Variants in PRIM1 observed in about 807,000 individuals in gnomAD.
The protein encoded by PRIM1 is DNA primase small subunit.
PRIM1 carries 38 observed loss-of-function variants against 60.2 expected under a neutral mutation model. That is an observed-to-expected ratio of 0.63 (90% CI 0.49 to 0.83). The LOEUF is 0.83. PRIM1 is among the 40% of genes least tolerant of loss of function. The probability of loss-of-function intolerance (pLI) is 0.00; values close to 1 mark genes in which losing one functional copy is unlikely to be tolerated. For missense variants in PRIM1, 388 were observed against 506.2 expected (o/e 0.77, Z 2.24); for synonymous variants, 158 against 160.2 (o/e 0.99, Z 0.10).
At chr12:56,736,298 T>TAACAAAAA (rs1953829205) in intron 11 of PRIM1, among the ~76,000 whole-genome samples, 1 of 24,316 alleles carries the variant, frequency 4.1e-5, no homozygotes, top group African/African-American at 2.3e-4. Flanking sequence ...ACTCTTTCTC[T>TAACAAAAA]AAAAAAAAAA....
chr12:56,744,348 C>T (rs1401748034), intron 5 of PRIM1, among the ~76,000 whole-genome samples: 2 of 151,914 alleles, frequency 1.3e-5, no homozygotes, highest in Non-Finnish European at 2.9e-5. Flanking sequence ...AAAAAATTAG[C>T]TGGGCATGGT....
chr12:56,751,856 C>A (rs541245723), intron 1 of PRIM1: 58 of 172,442 alleles, frequency 3.4e-4, no homozygotes, highest in Non-Finnish European at 1.6e-4. Context: ...CTGATGCAAA[C>A]CATGCCTCAG....
chr12:56,744,060 C>A lies in PRIM1; in HGVS notation c.638+5G>T. The A allele has an allele frequency of 6.4e-7, 1 of 1,564,150 alleles. No individual in the cohort carries two copies. The highest frequency in any genetic ancestry group is 1.4e-5 in the African/African-American group (1 of 74,042). ...TTAAAGTGCTTGGAGACTTTTCCAA[C>A]AGACCTGATAAAAGGGTGAATTTTT... On this transcript the variant is annotated splice_donor_5th_base_variant and intron_variant, in intron 6 of 12. Transcript: ENST00000338193.
rs964079466 is a variant in PRIM1 at position 56,741,757 on chromosome 12, T to G, written c.829A>C (p.Ser277Arg). Reference sequence around the variant, plus strand: ...TCAGTGGCATATACCTGATATCTGCTGGCTACTTTCTTCAAGTGCTCCCAA... The same window carrying G: ...TCAGTGGCATATACCTGATATCTGCGGGCTACTTTCTTCAAGTGCTCCCAA... ...QRWEHLKKVA[S>R]RYQNNIKNDK... The change falls in exon 8 of 13, where the codon AGC becomes CGC. Residue 277 changes from serine to arginine, a missense_variant. By Grantham distance (110) the Ser-to-Arg change is moderately radical. Transcript: ENST00000338193. 6.2e-7 allele frequency: 1 copy of G among 1,613,792 alleles called. No homozygotes were observed. The highest frequency in any genetic ancestry group is 1.3e-5 in the African/African-American group (1 of 75,064).
chr12:56,738,678 A>G (rs922363677), intron 10 of PRIM1, among the ~76,000 whole-genome samples, 153 bp from the exon 11 acceptor site: 4 of 152,128 alleles, frequency 2.6e-5, no homozygotes, highest in African/African-American at 4.8e-5. Flanking sequence ...CAGCCTCCCA[A>G]GTAGCTGGGA....
intron 11 of PRIM1, among the ~76,000 whole-genome samples, chr12:56,736,129 CT>C (rs1421759025): frequency 6.6e-6 from 1 of 150,492 alleles, no homozygotes; most frequent in East Asian, 2.0e-4. Flanking sequence ...GAAACCCTGT[CT>C]CTAGTAAAAA....
At chr12:56,747,652 A>T (rs918814019) in intron 2 of PRIM1, among the ~76,000 whole-genome samples, 1 of 152,222 alleles carries the variant, frequency 6.6e-6, no homozygotes, top group African/African-American at 2.4e-5. Flanking sequence ...AAGCTGAAGC[A>T]GGAGTATCAT....
At position 56,738,530 on chromosome 12, in the gene PRIM1, A is replaced by G; in HGVS notation, c.1053-5T>C. On this transcript the variant is annotated splice_region_variant and splice_polypyrimidine_tract_variant and intron_variant, in intron 10 of 12. Coordinates refer to ENST00000338193, the MANE Select transcript of PRIM1 (RefSeq NM_000946.3). The stretch of plus-strand genomic sequence containing the variant: ...TCCAATTCACGGCAGATGAAGCTGC[A>G]AGTAACAGAACAAGAGAATTTTGTT... 6.4e-7 allele frequency: 1 copy of G among 1,568,698 alleles called. No homozygotes were observed. Among genetic ancestry groups the G allele is most frequent in the Non-Finnish European group, 8.7e-7 (1 of 1,155,656 alleles).
rs1404716910 is a variant in PRIM1 at position 56,746,663 on chromosome 12, CACACACACACACAA to C, written c.442+104_442+117del. 3.8e-4 allele frequency: 314 copies of C among 832,106 alleles called. 3 individuals carry two copies. Among genetic ancestry groups the C allele is most frequent in the Middle Eastern group, 1.3e-3 (6 of 4,460 alleles). The allele number at this position is 832,106 out of a possible 1,614,324, so 51.5% of individuals were successfully genotyped here. ...ACACACACACACACACACACACACA[CACACACACACACAA>C]ATTAATGAGATTTGATCACAAAATA... On this transcript the variant is annotated intron_variant, in intron 4 of 12. Transcript: ENST00000338193.
chr12:56,734,484 C>G (rs953385937), intron 11 of PRIM1, among the ~76,000 whole-genome samples: 1 of 151,842 alleles, frequency 6.6e-6, no homozygotes, highest in Non-Finnish European at 1.5e-5. Context: ...ACTGCAGCCT[C>G]GATCTACTGG....
At chr12:56,741,684 G>A in intron 8 of PRIM1, 62 bp downstream of exon 8, 2 of 1,585,268 alleles carry the variant, frequency 1.3e-6, no homozygotes, top group Non-Finnish European at 8.6e-7. Context: ...ACTAGGCAAA[G>A]CAATCAATTT....
In PRIM1 at chr12:56,735,085, A is replaced by T. The variant is rs952337133; in HGVS notation, c.1145-840T>A. ...TTTGGCCTCCCAAAGTGCTGGGATT[A>T]CAGGCGTGAGCCACCGCGCCCGGTC... On this transcript the variant is annotated intron_variant, in intron 11 of 12. Transcript: ENST00000338193. 2.0e-5 allele frequency among the ~76,000 whole-genome samples: 3 copies of T among 151,986 alleles called. No individual in the cohort carries two copies. The East Asian group carries it at 5.8e-4, about 30-fold the overall frequency.
chr12:56,745,744 G>C (rs574599999), intron 5 of PRIM1, among the ~76,000 whole-genome samples: 2 of 152,142 alleles, frequency 1.3e-5, no homozygotes, highest in South Asian at 4.1e-4. Flanking sequence ...TTCTAGGCCA[G>C]CCTGGCCAAC....
chr12:56,746,300 C>G (rs1953906329), intron 4 of PRIM1, 119 bp from the exon 5 acceptor site: 3 of 1,189,026 alleles, frequency 2.5e-6, no homozygotes, highest in Non-Finnish European at 3.6e-6. Context: ...CTTTACCCAT[C>G]CTGGTCTCTC....
At chr12:56,733,434 C>T (rs1953798699) in intron 12 of PRIM1, among the ~76,000 whole-genome samples, 1 of 150,520 alleles carries the variant, frequency 6.6e-6, no homozygotes, top group Admixed American at 6.6e-5. Context: ...GCTGGGATTA[C>T]AGGTGTGAGC....
At chr12:56,741,898 G>A in intron 7 of PRIM1, 61 bp from the exon 8 acceptor site, 1 of 1,385,152 alleles carries the variant, frequency 7.2e-7, no homozygotes, top group Middle Eastern at 1.8e-4. Context: ...TTAGTTTTAA[G>A]TATGTATTAC....
chr12:56,748,283 G>T (rs1164194615), intron 2 of PRIM1, among the ~76,000 whole-genome samples: 3 of 152,144 alleles, frequency 2.0e-5, no homozygotes, highest in African/African-American at 7.2e-5. Context: ...ACCCACTTCT[G>T]TACTCTTCCA....
Position 56,746,676 on chromosome 12 carries a change from A to AC in PRIM1, c.442+104_442+105insG, listed in dbSNP as rs1565906917. On this transcript the variant is annotated intron_variant, in intron 4 of 12. Coordinates refer to ENST00000338193, the MANE Select transcript of PRIM1 (RefSeq NM_000946.3). The stretch of plus-strand genomic sequence containing the variant: ...CACACACACACACACACACACACAC[A>AC]AATTAATGAGATTTGATCACAAAAT... The AC allele has an allele frequency of 9.0e-3, 1,987 of 221,050 alleles. 111 individuals carry two copies. The highest frequency in any genetic ancestry group is 0.027 in the East Asian group (157 of 5,752). 13.7% of individuals were successfully genotyped at this position (221,050 alleles called of 1,614,324 possible).
intron 11 of PRIM1, among the ~76,000 whole-genome samples, chr12:56,737,083 A>G (rs1334291349): frequency 6.6e-6 from 1 of 151,580 alleles, no homozygotes; most frequent in African/African-American, 2.4e-5. Context: ...AGCGAGCATT[A>G]CCGCCTGAGC....
Sources: allele counts gnomAD v4.1 joint callset (sites outside exome capture counted in the v4.1 genomes callset), GRCh38; gene constraint gnomAD v4.1.1; transcripts MANE v1.5; gene names NCBI Gene and HGNC (gene_info 2026-07-23, HGNC 2026-07-21).